Variants in RIT2 observed in about 807,000 individuals in gnomAD.
RIT2 encodes GTP-binding protein Rit2.
In RIT2, 24 loss-of-function variants were observed where a neutral mutation model predicts 23.7. The observed-to-expected ratio is 1.01, with a 90% CI of 0.73 to 1.43. The LOEUF (loss-of-function observed/expected upper bound fraction) is 1.43, where lower values mean the gene tolerates loss of function less well. Ranked by LOEUF, RIT2 falls within the 40% of genes most tolerant of loss-of-function variation. RIT2 has a pLI of 0.00. For synonymous variants in RIT2, 107 were observed against 91.1 expected, an observed-to-expected ratio of 1.17 and a Z score of -0.99; for missense variants, 236 against 266.9, an observed-to-expected ratio of 0.88 and a Z score of 0.81.
At chr18:42,882,281 T>C (rs1598698069) in intron 4 of RIT2, among the ~76,000 whole-genome samples, 1 of 152,332 alleles carries the variant, frequency 6.6e-6, no homozygotes, top group Non-Finnish European at 1.5e-5. Context: ...AAATGCTTGC[T>C]GGCTATAAAA....
intron 4 of RIT2, among the ~76,000 whole-genome samples, chr18:42,875,063 T>C (rs1907710163): frequency 6.6e-6 from 1 of 152,214 alleles, no homozygotes; most frequent in Middle Eastern, 3.4e-3. Flanking sequence ...GGCACCCTCA[T>C]CTTTTCTACA....
chr18:43,086,444 A>G (rs139698896), intron 1 of RIT2, among the ~76,000 whole-genome samples: 1 of 152,348 alleles, frequency 6.6e-6, no homozygotes, highest in African/African-American at 2.4e-5. Flanking sequence ...AATACCATAC[A>G]GTCTTAAAAG....
intron 3 of RIT2, among the ~76,000 whole-genome samples, chr18:42,964,336 A>G (rs1216837053): frequency 6.6e-6 from 1 of 152,074 alleles, no homozygotes; most frequent in East Asian, 1.9e-4. Flanking sequence ...TGGTTCCTAA[A>G]TAAGATAGCT....
At chr18:42,915,865 A>G (rs1908895401) in intron 4 of RIT2, among the ~76,000 whole-genome samples, 1 of 151,736 alleles carries the variant, frequency 6.6e-6, no homozygotes, top group African/African-American at 2.4e-5. Flanking sequence ...ATATATATAC[A>G]TATGTTTGTA....
chr18:42,972,381 A>G (rs1910382173), intron 3 of RIT2, among the ~76,000 whole-genome samples: 1 of 151,960 alleles, frequency 6.6e-6, no homozygotes. Context: ...ATAGAAAGAG[A>G]TGACCTATTT....
At chr18:42,770,042 C>T (rs976057985) in intron 4 of RIT2, among the ~76,000 whole-genome samples, 29 of 151,262 alleles carry the variant, frequency 1.9e-4, no homozygotes, top group Non-Finnish European at 3.2e-4. Context: ...CAGCCTAGGC[C>T]GGGTTTGGAA....
chr18:43,074,645 C>T (rs1311265061), intron 1 of RIT2, among the ~76,000 whole-genome samples: 3 of 152,070 alleles, frequency 2.0e-5, no homozygotes, highest in East Asian at 1.9e-4. Flanking sequence ...TGGAATCAAC[C>T]GACATGCCCA....
At chr18:43,036,141 C>T (rs559524576) in intron 1 of RIT2, among the ~76,000 whole-genome samples, 7 of 152,136 alleles carry the variant, frequency 4.6e-5, no homozygotes, top group Non-Finnish European at 8.8e-5. Context: ...GATATGAAAG[C>T]ATTTTAATAA....
intron 4 of RIT2, among the ~76,000 whole-genome samples, chr18:42,765,170 T>C (rs1913391877): frequency 6.6e-6 from 1 of 152,200 alleles, no homozygotes; most frequent in Non-Finnish European, 1.5e-5. Flanking sequence ...TAATATTTGG[T>C]TGTGTAAGAA....
At chr18:43,108,051 G>A (rs1450154839) in intron 1 of RIT2, among the ~76,000 whole-genome samples, 2 of 150,944 alleles carry the variant, frequency 1.3e-5, no homozygotes, top group East Asian at 2.0e-4. Context: ...GCGGGTGACT[G>A]TAGTCCCAGT....
At chr18:42,935,466 G>C (rs1259982583) in intron 3 of RIT2, among the ~76,000 whole-genome samples, 3 of 152,074 alleles carry the variant, frequency 2.0e-5, no homozygotes, top group African/African-American at 7.2e-5. Context: ...CCGCAGGGTT[G>C]GTTAACAGCT....
At chr18:43,085,796 G>T (rs1184708395) in intron 1 of RIT2, among the ~76,000 whole-genome samples, 1 of 152,122 alleles carries the variant, frequency 6.6e-6, no homozygotes, top group African/African-American at 2.4e-5. Flanking sequence ...CATGTGGTGG[G>T]AGGGACTTAG....
chr18:43,050,580 A>G (rs1215751220), intron 1 of RIT2, among the ~76,000 whole-genome samples: 1 of 151,938 alleles, frequency 6.6e-6, no homozygotes, highest in Admixed American at 6.6e-5. Flanking sequence ...TTTTGTTACA[A>G]TGTTGGATGT....
intron 2 of RIT2, among the ~76,000 whole-genome samples, chr18:43,003,809 C>T (rs907207518): frequency 1.7e-5 from 2 of 120,870 alleles, no homozygotes; most frequent in Non-Finnish European, 3.6e-5. Context: ...CACACACACA[C>T]ATTAATATTG....
chr18:42,879,138 A>G lies in RIT2; in HGVS notation c.426+44434T>C, dbSNP rs561966413. On this transcript the variant is annotated intron_variant, in intron 4 of 4. Coordinates refer to ENST00000326695, the MANE Select transcript of RIT2 (RefSeq NM_002930.4). ...CTACTAGAAACTTCTGACTGCTTCC[A>G]ATCTGAATGATTTCTTTCCAAACCT... Among the ~76,000 whole-genome samples the G allele has an allele frequency of 2.2e-4, 33 of 152,256 alleles. 1 individual carries two copies. In the South Asian group the frequency reaches 6.6e-3, roughly 31 times the overall value.
chr18:43,097,607 T>C (rs1913584865), intron 1 of RIT2, among the ~76,000 whole-genome samples: 1 of 151,956 alleles, frequency 6.6e-6, no homozygotes, highest in Non-Finnish European at 1.5e-5. Context: ...AAAGTTCCTT[T>C]TGTCTGGAAC....
At chr18:42,797,526 A>G (rs568066407) in intron 4 of RIT2, among the ~76,000 whole-genome samples, 2 of 152,290 alleles carry the variant, frequency 1.3e-5, no homozygotes. Context: ...GTTAAAAGTA[A>G]TTATTTGCAA....
At chr18:43,112,263 A>G (rs1913969656) in intron 1 of RIT2, among the ~76,000 whole-genome samples, 1 of 152,124 alleles carries the variant, frequency 6.6e-6, no homozygotes, top group African/African-American at 2.4e-5. Context: ...TATTACCCCC[A>G]TGACCAGGCA....
chr18:43,013,699 C>T (rs1911405453), intron 2 of RIT2, among the ~76,000 whole-genome samples: 1 of 151,554 alleles, frequency 6.6e-6, no homozygotes, highest in South Asian at 2.1e-4. Context: ...ATCAGAGTAA[C>T]TATCTGTATG....
Sources: gnomAD v4.1 joint callset for allele counts (sites outside exome capture counted in the v4.1 genomes callset) on GRCh38, gnomAD v4.1.1 for gene constraint, MANE v1.5 for transcripts, NCBI Gene and HGNC (gene_info 2026-07-23, HGNC 2026-07-21) for gene names.